Variants in ZC3H6 observed in about 807,000 individuals in gnomAD.
ZC3H6 encodes zinc finger CCCH-type containing 6, also known as zinc finger CCCH domain-containing protein 6.
In ZC3H6, 40 loss-of-function variants were observed where a neutral mutation model predicts 107.7. The observed-to-expected ratio is 0.37, with a 90% confidence interval of 0.29 to 0.48. The LOEUF (loss-of-function observed/expected upper bound fraction) is 0.48, where lower values mean the gene tolerates loss of function less well. Ranked by LOEUF, ZC3H6 falls within the 20% of genes least tolerant of loss-of-function variation. The probability of loss-of-function intolerance (pLI) is 0.98; values close to 1 mark genes in which losing one functional copy is unlikely to be tolerated. For synonymous variants in ZC3H6, 493 were observed against 487.9 expected (o/e 1.01, Z -0.14); for missense variants, 1,267 against 1,410.4 (o/e 0.90, Z 1.63).
rs1330287713 is a variant in ZC3H6, at chr2:112,338,912, T to C, written c.*6424T>C. On this transcript the variant is annotated 3_prime_UTR_variant, in exon 12 of 12. Transcript: ENST00000409871. ...ATATATATATATATATATATATATA[T>C]AATTTTTTTTTTTTGAGACGGAGTC... 9.1e-6 allele frequency: 1 copy of C among 109,602 alleles called. No homozygotes were observed. Among genetic ancestry groups the C allele is most frequent in the Non-Finnish European group, 2.1e-5 (1 of 48,600 alleles). The allele number at this position is 109,602 out of a possible 1,614,324, so 6.8% of individuals were successfully genotyped here.
In ZC3H6 at chr2:112,275,747, G is replaced by T; in HGVS notation, c.-248G>T. The T allele has an allele frequency of 2.3e-6, 1 of 432,376 alleles. No homozygotes were observed. The highest frequency in any genetic ancestry group is 4.1e-6 in the Non-Finnish European group (1 of 243,898). 26.8% of individuals were successfully genotyped at this position (432,376 alleles called of 1,614,324 possible). A position where few individuals can be genotyped will look rare whatever the true frequency, so the allele number is the denominator to read the frequency against. On this transcript the variant is annotated 5_prime_UTR_variant, in exon 1 of 12. Coordinates refer to ENST00000409871, the MANE Select transcript of ZC3H6 (RefSeq NM_198581.3). ...GCGGCGAATAGAGACTAGAGCGGCA[G>T]CGCCGGCAGCGCGGGGCCGTTGCCC... is the stretch of plus-strand genomic sequence containing the variant.
intron 1 of ZC3H6, among the ~76,000 whole-genome samples, chr2:112,299,577 A>T (rs531984541): frequency 6.6e-6 from 1 of 152,318 alleles, no homozygotes; most frequent in Admixed American, 6.5e-5. Flanking sequence ...AGAATCAGTG[A>T]TTTTAATCTA....
At chr2:112,278,547 G>C (rs556825798) in intron 1 of ZC3H6, among the ~76,000 whole-genome samples, 3 of 152,296 alleles carry the variant, frequency 2.0e-5, no homozygotes, top group South Asian at 2.1e-4. Flanking sequence ...TTGAACTCCT[G>C]ACCTCAAGTG....
At chr2:112,281,903 T>C (rs892716981) in intron 1 of ZC3H6, among the ~76,000 whole-genome samples, 1 of 152,020 alleles carries the variant, frequency 6.6e-6, no homozygotes, top group African/African-American at 2.4e-5. Context: ...ATGTACATTA[T>C]CCTAAGTTAA....
rs1677136440 is a variant in ZC3H6 at position 112,336,353 on chromosome 2, C to T, written c.*3865C>T. 6.6e-6 allele frequency: 1 copy of T among 152,186 alleles called. No individual in the cohort carries two copies. The highest frequency in any genetic ancestry group is 6.5e-5 in the Admixed American group (1 of 15,278). The allele number at this position is 152,186 out of a possible 1,614,324, so 9.4% of individuals were successfully genotyped here. On this transcript the variant is annotated 3_prime_UTR_variant, in exon 12 of 12. Coordinates refer to ENST00000409871, the MANE Select transcript of ZC3H6 (RefSeq NM_198581.3). Reference sequence around the variant, plus strand: ...TCCACTGATAGGGTCCCCCACCCCGCAAGCTTCAATAATTGAGCTTTCTGT... The same window carrying T: ...TCCACTGATAGGGTCCCCCACCCCGTAAGCTTCAATAATTGAGCTTTCTGT...
chr2:112,298,645 A>G (rs1676297190), intron 1 of ZC3H6, among the ~76,000 whole-genome samples: 1 of 152,274 alleles, frequency 6.6e-6, no homozygotes, highest in Non-Finnish European at 1.5e-5. Flanking sequence ...TCGGCAAGCA[A>G]TCAAATGCCC....
At chr2:112,297,229 C>A (rs1676257443) in intron 1 of ZC3H6, among the ~76,000 whole-genome samples, 1 of 152,156 alleles carries the variant, frequency 6.6e-6, no homozygotes, top group Non-Finnish European at 1.5e-5. Flanking sequence ...TTATTAAGAC[C>A]ACGTCCACTA....
chr2:112,326,738 G>A (rs777388126), intron 11 of ZC3H6, among the ~76,000 whole-genome samples: 1 of 152,026 alleles, frequency 6.6e-6, no homozygotes, highest in Non-Finnish European at 1.5e-5. Context: ...TCTGCCTCCC[G>A]AGTAGCTGGG....
In ZC3H6 at chr2:112,286,141, A is replaced by G. The variant is rs1299564088; in HGVS notation, c.32+10115A>G. Reference sequence around the variant, plus strand: ...TATCCATGTCAGTTTTAAAAACATAATACCAGAAGAAGAGGGGCCCAATTC... The same window carrying G: ...TATCCATGTCAGTTTTAAAAACATAGTACCAGAAGAAGAGGGGCCCAATTC... On this transcript the variant is annotated intron_variant, in intron 1 of 11. Transcript: ENST00000409871. The G allele has an allele frequency of 7.3e-6, 3 of 409,406 alleles. No homozygotes were observed. In the East Asian group the frequency reaches 1.9e-4, roughly 26 times the overall value. The allele number at this position is 409,406 out of a possible 1,614,324, so 25.4% of individuals were successfully genotyped here.
chr2:112,311,544 A>G (rs1037920268), intron 4 of ZC3H6, among the ~76,000 whole-genome samples: 1 of 152,172 alleles, frequency 6.6e-6, no homozygotes, highest in South Asian at 2.1e-4. Context: ...GCTAAGGAAA[A>G]TTAAAAAGAA....
At chr2:112,315,914 A>T (rs1210524016) in intron 5 of ZC3H6, among the ~76,000 whole-genome samples, 3 of 152,144 alleles carry the variant, frequency 2.0e-5, no homozygotes, top group Non-Finnish European at 4.4e-5. Context: ...AAAGTTGTTG[A>T]TTTTTTAATG....
chr2:112,278,900 C>T (rs916099747), intron 1 of ZC3H6, among the ~76,000 whole-genome samples: 1 of 152,088 alleles, frequency 6.6e-6, no homozygotes, highest in Non-Finnish European at 1.5e-5. Flanking sequence ...GGATTACAGG[C>T]GTGAGCCACC....
chr2:112,300,097 AAGT>A, intron 2 of ZC3H6, 68 bp downstream of exon 2: 9 of 1,045,814 alleles, frequency 8.6e-6, no homozygotes, highest in Non-Finnish European at 1.1e-5. Context: ...GAAAATTAGA[AAGT>A]AGAAGTCATT....
At chr2:112,288,500 C>T (rs1686652704) in intron 1 of ZC3H6, among the ~76,000 whole-genome samples, 3 of 152,216 alleles carry the variant, frequency 2.0e-5, no homozygotes, top group African/African-American at 4.8e-5. Context: ...GTGATTAATT[C>T]ATCCCATTTT....
rs1677028689 is a variant in ZC3H6 at position 112,331,368 on chromosome 2, A to G, written c.2450A>G (p.Lys817Arg). The G allele has an allele frequency of 6.2e-7, 1 of 1,613,704 alleles. No homozygotes were observed. Among genetic ancestry groups the G allele is most frequent in the South Asian group, 1.1e-5 (1 of 91,070 alleles). The change falls in exon 12 of 12, where the codon AAA (lysine) becomes AGA (arginine). Residue 817 changes from lysine to arginine, a missense_variant. Around this residue, in one of 3 missense-constraint regions of ZC3H6, gnomAD observed 925 missense variants for 1,025.7 expected, o/e 0.90. Coordinates refer to ENST00000409871, the MANE Select transcript of ZC3H6 (RefSeq NM_198581.3). ...LHHANAGTNV[K>R]HKRGDDDDED... ...CATGCAAATGCTGGCACTAATGTCA[A>G]ACACAAAAGAGGCGATGATGATGAT...
At chr2:112,320,003 G>A (rs1416307913) in intron 7 of ZC3H6, among the ~76,000 whole-genome samples, 3 of 152,102 alleles carry the variant, frequency 2.0e-5, no homozygotes, top group Admixed American at 6.5e-5. Flanking sequence ...CGCGTTCTCC[G>A]CTCACTGCAA....
Position 112,321,811 on chromosome 2 carries a change from C to A in ZC3H6, c.1032C>A (p.Asn344Lys). ...HSGAKCYQGD[N>K]CKFSHDDLTK... ...GAGCAAAATGTTACCAGGGAGACAA[C>A]TGTAAATTTTCCCATGATGATCTAA... Residue 344 changes from asparagine (N) to lysine (K), a missense_variant, in exon 8 of 12, where the codon AAC becomes AAA. Around this residue, in one of 3 missense-constraint regions of ZC3H6, gnomAD observed 925 missense variants for 1,025.7 expected, o/e 0.90. Transcript: ENST00000409871. 1 of 1,550,584 alleles carries A rather than the reference C, an allele frequency of 6.4e-7. No homozygotes were observed.
At chr2:112,277,880 A>G (rs1295306770) in intron 1 of ZC3H6, among the ~76,000 whole-genome samples, 1 of 152,166 alleles carries the variant, frequency 6.6e-6, no homozygotes, top group Admixed American at 6.5e-5. Flanking sequence ...CTACAAGATC[A>G]GATCAATGGT....
chr2:112,293,711 C>T (rs1196573272), intron 1 of ZC3H6, among the ~76,000 whole-genome samples: 1 of 152,164 alleles, frequency 6.6e-6, no homozygotes, highest in Non-Finnish European at 1.5e-5. Flanking sequence ...GAGAACTATA[C>T]ATGTGCTATT....
Sources: gnomAD v4.1 joint callset for allele counts (sites outside exome capture counted in the v4.1 genomes callset) on GRCh38, gnomAD v4.1.1 for gene constraint, gnomAD v4.1.1 regional missense constraint, MANE v1.5 for transcripts, NCBI Gene and HGNC (gene_info 2026-07-23, HGNC 2026-07-21) for gene names.